NCAM1: variants seen among roughly 807,000 people sequenced by gnomAD.
The protein encoded by NCAM1 is neural cell adhesion molecule 1.
Under a neutral mutation model 109.8 loss-of-function variants are expected in NCAM1, and 14 were observed. The ratio of observed to expected loss-of-function variants is 0.13; its 90% confidence interval spans 0.08 to 0.20. The LOEUF (loss-of-function observed/expected upper bound fraction) is 0.20, where lower values mean the gene tolerates loss of function less well. Ranked by LOEUF, NCAM1 falls within the 10% of genes least tolerant of loss-of-function variation. NCAM1 has a pLI of 1.00. For synonymous variants in NCAM1, 418 were observed against 442.9 expected (o/e 0.94, Z 0.70); for missense variants, 774 against 1,109.9 (o/e 0.70, Z 4.30).
intron 9 of NCAM1, among the ~76,000 whole-genome samples, chr11:113,224,963 T>C (rs1944798727): frequency 6.6e-6 from 1 of 152,078 alleles, no homozygotes; most frequent in Non-Finnish European, 1.5e-5. Flanking sequence ...CAAAGGTAGA[T>C]AAAACCACAA....
intron 1 of NCAM1, among the ~76,000 whole-genome samples, chr11:113,079,511 A>G (rs1233885772): frequency 1.3e-5 from 2 of 152,228 alleles, no homozygotes; most frequent in African/African-American, 4.8e-5. Context: ...GATTAGCCAA[A>G]TTAGTAACAG....
chr11:112,979,672 A>C (rs1951101501), intron 1 of NCAM1, among the ~76,000 whole-genome samples: 1 of 151,756 alleles, frequency 6.6e-6, no homozygotes, highest in Non-Finnish European at 1.5e-5. Context: ...TTAACGTTTC[A>C]GTTTGATTAT....
intron 1 of NCAM1, among the ~76,000 whole-genome samples, chr11:113,067,913 T>TG: frequency 6.7e-6 from 1 of 149,356 alleles, no homozygotes; most frequent in African/African-American, 2.5e-5. Context: ...CAAGTTTTTT[T>TG]TTTTTTTTTT....
chr11:113,048,691 G>C (rs1953355732), intron 1 of NCAM1, among the ~76,000 whole-genome samples: 1 of 152,152 alleles, frequency 6.6e-6, no homozygotes, highest in South Asian at 2.1e-4. Context: ...TATGGACTTT[G>C]GGTTATCCTG....
At chr11:113,066,358 G>A (rs782364011) in intron 1 of NCAM1, among the ~76,000 whole-genome samples, 16 of 152,030 alleles carry the variant, frequency 1.1e-4, no homozygotes, top group Non-Finnish European at 4.4e-5. Flanking sequence ...ATTAGCATTT[G>A]GTCTTTTCTA....
chr11:113,120,144 A>C (rs1940896540), intron 1 of NCAM1, among the ~76,000 whole-genome samples: 1 of 152,200 alleles, frequency 6.6e-6, no homozygotes, highest in Non-Finnish European at 1.5e-5. Context: ...TGGTTTATGA[A>C]GAAAAGGCAT....
chr11:113,226,715 A>G (rs1944859759), intron 9 of NCAM1, among the ~76,000 whole-genome samples: 1 of 152,234 alleles, frequency 6.6e-6, no homozygotes, highest in Admixed American at 6.5e-5. Context: ...AAGAACAGAA[A>G]TGATAACAAA....
intron 1 of NCAM1, among the ~76,000 whole-genome samples, chr11:113,201,419 T>A (rs907117664): frequency 2.0e-5 from 3 of 152,198 alleles, no homozygotes; most frequent in Admixed American, 6.5e-5. Context: ...AGAAGCCCCA[T>A]GCACTGAACC....
intron 9 of NCAM1, among the ~76,000 whole-genome samples, chr11:113,226,092 T>C (rs1000991828): frequency 5.9e-5 from 9 of 152,146 alleles, no homozygotes; most frequent in African/African-American, 2.2e-4. Flanking sequence ...ATATAAACCT[T>C]AAATGTAAAT....
At chr11:113,015,676 C>T (rs1289697181) in intron 1 of NCAM1, among the ~76,000 whole-genome samples, 2 of 151,680 alleles carry the variant, frequency 1.3e-5, no homozygotes, top group East Asian at 3.9e-4. Context: ...GCAGAGGTTG[C>T]AGTGAGCCGA....
intron 1 of NCAM1, among the ~76,000 whole-genome samples, chr11:113,039,636 T>G (rs1471880082): frequency 6.6e-6 from 1 of 152,206 alleles, no homozygotes; most frequent in Non-Finnish European, 1.5e-5. Flanking sequence ...CGTCAGACCC[T>G]GGAGAAATAT....
rs782044086 is a variant in NCAM1, at chr11:113,232,720, G to A, written c.1428G>A (p.Val476=). 6.2e-7 allele frequency: 1 copy of A among 1,612,440 alleles called. No individual in the cohort carries two copies. The highest frequency in any genetic ancestry group is 8.5e-7 in the Non-Finnish European group (1 of 1,178,504). ...CCAATAGCTTCTTCCTTCTAAAGGT[G>A]ACCCCAGACTCTGAGAATGATTTTG... ...YNTPSASYLE[V]TPDSENDFGN... Residue 476 remains valine (V), a splice_region_variant and synonymous_variant, in exon 12 of 20, where the codon GTG becomes GTA. Coordinates refer to ENST00000316851, the MANE Select transcript of NCAM1 (RefSeq NM_181351.5).
chr11:113,073,392 T>C (rs1443539533), intron 1 of NCAM1, among the ~76,000 whole-genome samples: 1 of 152,216 alleles, frequency 6.6e-6, no homozygotes, highest in Admixed American at 6.5e-5. Flanking sequence ...GAGAGCTATG[T>C]GTAGAAAAGT....
chr11:113,129,390 C>T (rs1941306697), intron 1 of NCAM1, among the ~76,000 whole-genome samples: 1 of 152,176 alleles, frequency 6.6e-6, no homozygotes, highest in Non-Finnish European at 1.5e-5. Context: ...TCTCCACTGG[C>T]TACATCTTCA....
intron 1 of NCAM1, among the ~76,000 whole-genome samples, chr11:113,148,591 G>C (rs1466392551): frequency 6.6e-6 from 1 of 152,170 alleles, no homozygotes; most frequent in African/African-American, 2.4e-5. Context: ...GAAAATTTTT[G>C]TTAACGTTAG....
At chr11:113,123,300 G>A (rs1941044045) in intron 1 of NCAM1, among the ~76,000 whole-genome samples, 1 of 152,136 alleles carries the variant, frequency 6.6e-6, no homozygotes, top group Admixed American at 6.5e-5. Flanking sequence ...TTGTATGTAT[G>A]CATCAAAATA....
intron 1 of NCAM1, among the ~76,000 whole-genome samples, chr11:113,082,056 TG>T (rs1938847876): frequency 6.6e-6 from 1 of 152,246 alleles, no homozygotes; most frequent in Non-Finnish European, 1.5e-5. Flanking sequence ...TTTAATGTGC[TG>T]TTTCGATTAT....
intron 1 of NCAM1, among the ~76,000 whole-genome samples, chr11:113,177,884 G>A (rs771358360): frequency 1.8e-4 from 28 of 151,962 alleles, no homozygotes; most frequent in Admixed American, 8.5e-4. Flanking sequence ...GCTTGTTACC[G>A]TCACATTTTC....
Position 113,273,084 on chromosome 11 carries a change from C to CCGGCCA in NCAM1, c.2456+1217_2456+1222dup, listed in dbSNP as rs1486698522. 2.0e-5 allele frequency: 9 copies of CCGGCCA among 456,600 alleles called. No homozygotes were observed. The highest frequency in any genetic ancestry group is 6.5e-4 in the Middle Eastern group (2 of 3,096). The allele number at this position is 456,600 out of a possible 1,614,324, so 28.3% of individuals were successfully genotyped here. On this transcript the variant is annotated intron_variant, in intron 19 of 19. Coordinates refer to ENST00000316851, the MANE Select transcript of NCAM1 (RefSeq NM_181351.5). The surrounding 1 kb of genome is among the most constrained non-coding windows in gnomAD (Gnocchi z 6.0). ...CACCCTGACCTCCAGTATTGCCCCG[C>CCGGCCA]CGGCCACGGCCACGCCTGACTCAAA...
Sources: allele counts gnomAD v4.1 joint callset (sites outside exome capture counted in the v4.1 genomes callset), GRCh38; gene constraint gnomAD v4.1.1; non-coding constraint Gnocchi (gnomAD v3.1); transcripts MANE v1.5; gene names NCBI Gene and HGNC (gene_info 2026-07-23, HGNC 2026-07-21).